CAPN8: variants seen among roughly 807,000 people sequenced by gnomAD.
CAPN8 encodes the protein calpain-8.
CAPN8 carries 87 observed loss-of-function variants against 80.9 expected under a neutral mutation model. That is an observed-to-expected ratio of 1.07 (90% confidence interval 0.90 to 1.28). CAPN8 has a LOEUF of 1.28. Ranked by LOEUF, CAPN8 falls within the 50% of genes most tolerant of loss-of-function variation. The probability of loss-of-function intolerance (pLI) is 0.00; values close to 1 mark genes in which losing one functional copy is unlikely to be tolerated. For synonymous variants in CAPN8, 299 were observed against 273.8 expected (o/e 1.09, Z -0.91); for missense variants, 757 against 702.0 (o/e 1.08, Z -0.89).
chr1:223,642,794 C>T (rs1658078623), intron 2 of CAPN8: 1 of 456,278 alleles, frequency 2.2e-6, no homozygotes, highest in Non-Finnish European at 4.4e-6. Flanking sequence ...CTCCTAGTTG[C>T]TTCTGAAGCC....
At chr1:223,621,027 A>T (rs1185488375) in intron 7 of CAPN8, among the ~76,000 whole-genome samples, 1 of 150,730 alleles carries the variant, frequency 6.6e-6, no homozygotes, top group Non-Finnish European at 1.5e-5. Flanking sequence ...TTCTCTCCCC[A>T]GCATAAGAGC....
intron 3 of CAPN8, 69 bp from the exon 4 acceptor site, chr1:223,628,211 A>G (rs755406651): frequency 2.7e-6 from 4 of 1,460,708 alleles, no homozygotes; most frequent in South Asian, 2.8e-5. Flanking sequence ...CCTCCAGGGG[A>G]CCTCACGTGG....
intron 15 of CAPN8, among the ~76,000 whole-genome samples, chr1:223,549,834 T>C (rs931525298): frequency 6.6e-6 from 1 of 152,214 alleles, no homozygotes; most frequent in Non-Finnish European, 1.5e-5. Flanking sequence ...GGCTAGGTAT[T>C]GTTATAAGCA....
Position 223,544,116 on chromosome 1 carries a change from G to T in CAPN8, c.1980C>A (p.Ile660=). ...ALRYACSKLG[I]NFDSFVACMI... ...TACAAGCCACGAAGCTGTCAAAGTT[G>T]ATGCCAAGCTTGCTGCACGCATACC... is the stretch of plus-strand genomic sequence containing the variant. Residue 660 remains isoleucine, a synonymous_variant, in exon 19 of 21, where the codon ATC becomes ATA. Coordinates refer to ENST00000366872, the MANE Select transcript of CAPN8 (RefSeq NM_001143962.2). 2.8e-6 allele frequency: 2 copies of T among 718,404 alleles called. No homozygotes were observed. Among genetic ancestry groups the T allele is most frequent in the South Asian group, 3.0e-5 (2 of 67,600 alleles). 44.5% of individuals were successfully genotyped at this position (718,404 alleles called of 1,614,324 possible). A position where few individuals can be genotyped will look rare whatever the true frequency, so the allele number is the denominator to read the frequency against.
At chr1:223,556,362 G>T (rs1656906287) in intron 13 of CAPN8, among the ~76,000 whole-genome samples, 1 of 152,100 alleles carries the variant, frequency 6.6e-6, no homozygotes, top group East Asian at 1.9e-4. Flanking sequence ...AAAAAGCAGG[G>T]TCTCCCTGAG....
chr1:223,635,618 T>A (rs575246057), intron 2 of CAPN8, among the ~76,000 whole-genome samples: 6 of 146,008 alleles, frequency 4.1e-5, no homozygotes, highest in Admixed American at 6.8e-5. Flanking sequence ...TTGAGTAGTC[T>A]ATCACTAGTA....
chr1:223,610,909 C>T (rs1657013277), intron 11 of CAPN8, among the ~76,000 whole-genome samples: 1 of 152,274 alleles, frequency 6.6e-6, no homozygotes, highest in Non-Finnish European at 1.5e-5. Flanking sequence ...TCAGGCCCCA[C>T]CCTAGACTGA....
chr1:223,543,230 G>A (rs1656519359), intron 19 of CAPN8, 64 bp from the exon 20 acceptor site: 1 of 1,530,884 alleles, frequency 6.5e-7, no homozygotes, highest in Non-Finnish European at 8.9e-7. Context: ...AACAATCAGA[G>A]AGCTGCCTCT....
chr1:223,619,118 C>T (rs1017227509), intron 9 of CAPN8, among the ~76,000 whole-genome samples, 175 bp downstream of exon 9: 29 of 152,104 alleles, frequency 1.9e-4, no homozygotes, highest in African/African-American at 6.8e-4. Flanking sequence ...CACTTGAGCC[C>T]GGGAGGCGGA....
chr1:223,627,911 C>T (rs971087502), intron 4 of CAPN8, 98 bp downstream of exon 4: 31 of 1,368,402 alleles, frequency 2.3e-5, no homozygotes, highest in South Asian at 3.1e-5. Flanking sequence ...GACGCCATGA[C>T]GCCCTGAGTT....
chr1:223,660,801 C>T (rs949037279), intron 1 of CAPN8, among the ~76,000 whole-genome samples: 5 of 152,060 alleles, frequency 3.3e-5, no homozygotes, highest in South Asian at 2.1e-4. Flanking sequence ...ACTTAAAGCC[C>T]CCAACACTGA....
At chr1:223,544,255 A>T in intron 18 of CAPN8, 72 bp from the exon 19 acceptor site, 1 of 693,722 alleles carries the variant, frequency 1.4e-6, no homozygotes, top group Non-Finnish European at 2.7e-6. Flanking sequence ...ACACTCAAGG[A>T]GCTGACATCC....
In CAPN8 at chr1:223,619,212, G is replaced by T. The variant is rs975289005; in HGVS notation, c.1135+81C>A. On this transcript the variant is annotated intron_variant, in intron 9 of 20. Coordinates refer to ENST00000366872, the MANE Select transcript of CAPN8 (RefSeq NM_001143962.2). ...CTGTCTCAAAAAAACACACAAAATA[G>T]CACCAAAAAATTACATAAAATGACC... 2.0e-6 allele frequency: 3 copies of T among 1,492,304 alleles called. No homozygotes were observed. In the African/African-American group the frequency reaches 4.2e-5, roughly 21 times the overall value. The allele number at this position is 1,492,304 out of a possible 1,614,324, so 92.4% of individuals were successfully genotyped here. A position where few individuals can be genotyped will look rare whatever the true frequency, so the allele number is the denominator to read the frequency against.
intron 2 of CAPN8, among the ~76,000 whole-genome samples, chr1:223,632,188 G>T (rs186333826): frequency 6.6e-6 from 1 of 152,274 alleles, no homozygotes; most frequent in African/African-American, 2.4e-5. Flanking sequence ...TTGGATCCTT[G>T]CCAGTCACTG....
Position 223,615,942 on chromosome 1 carries a change from A to G in CAPN8, c.1311+28T>C, listed in dbSNP as rs930997746. The G allele has an allele frequency of 1.0e-5, 16 of 1,551,778 alleles. No homozygotes were observed. In the African/African-American group the frequency reaches 2.1e-4, roughly 20 times the overall value. On this transcript the variant is annotated intron_variant, in intron 10 of 20. Coordinates refer to ENST00000366872, the MANE Select transcript of CAPN8 (RefSeq NM_001143962.2). ...TCAGCCCCAAAACATCAAGTGTATA[A>G]TGAAGGACAAACCCAGCACAGCAGT...
intron 16 of CAPN8, among the ~76,000 whole-genome samples, chr1:223,547,772 C>G (rs915967788): frequency 2.0e-5 from 3 of 152,124 alleles, no homozygotes; most frequent in African/African-American, 7.2e-5. Context: ...GACACAAATA[C>G]CATTGGGAAT....
intron 2 of CAPN8, among the ~76,000 whole-genome samples, chr1:223,650,316 T>C (rs766481414): frequency 3.5e-4 from 53 of 152,220 alleles, no homozygotes; most frequent in African/African-American, 1.2e-3. Context: ...CATGCCCCCT[T>C]CTTTTGGATA....
Position 223,550,847 on chromosome 1 carries a change from C to T in CAPN8, c.1699+113G>A, listed in dbSNP as rs1656766173. 6.3e-6 allele frequency: 4 copies of T among 632,580 alleles called. No homozygotes were observed. The South Asian group carries it at 7.3e-5, about 12-fold the overall frequency. The allele number at this position is 632,580 out of a possible 1,614,324, so 39.2% of individuals were successfully genotyped here. ...AATCAGGGCTCCTGGGGTCAGACAC[C>T]AATGCCCTTTCTCCCACCTGTGGTG... On this transcript the variant is annotated intron_variant, in intron 15 of 20. Coordinates refer to ENST00000366872, the MANE Select transcript of CAPN8 (RefSeq NM_001143962.2).
At chr1:223,654,816 C>T (rs1158787720) in intron 1 of CAPN8, among the ~76,000 whole-genome samples, 1 of 150,904 alleles carries the variant, frequency 6.6e-6, no homozygotes, top group Non-Finnish European at 1.5e-5. Flanking sequence ...GCTGGGATTA[C>T]AGGCACGTGC....
Sources: allele counts gnomAD v4.1 joint callset (sites outside exome capture counted in the v4.1 genomes callset), GRCh38; gene constraint gnomAD v4.1.1; transcripts MANE v1.5; gene names NCBI Gene and HGNC (gene_info 2026-07-23, HGNC 2026-07-21).